The following SAR1B variants were observed in gnomAD, a reference collection of about 807,000 sequenced individuals.
SAR1B encodes small COPII coat GTPase SAR1B.
A neutral mutation model predicts 26.8 loss-of-function variants in SAR1B; 23 were observed. The observed-to-expected ratio is 0.86, with a 90% CI of 0.62 to 1.22. The LOEUF (loss-of-function observed/expected upper bound fraction) is 1.22, where lower values mean the gene tolerates loss of function less well. Ranked by LOEUF, SAR1B falls within the 50% of genes most tolerant of loss-of-function variation. The pLI, the probability that SAR1B is intolerant of heterozygous loss-of-function variation, is 0.00. For synonymous variants in SAR1B, 65 were observed against 80.8 expected (o/e 0.80, Z 1.05); for missense variants, 196 against 232.8 (o/e 0.84, Z 1.03).
intron 1 of SAR1B, among the ~76,000 whole-genome samples, chr5:134,625,484 G>A (rs1261114335): frequency 6.6e-6 from 1 of 152,138 alleles, no homozygotes; most frequent in Non-Finnish European, 1.5e-5. Context: ...ATACAGAGAT[G>A]GAGCGGTGAT....
At position 134,614,962 on chromosome 5, in the gene SAR1B, C is replaced by A. The variant is rs1257727745; in HGVS notation, c.179-2206G>T. 5 of 152,176 alleles carry A rather than the reference C, an allele frequency of 3.3e-5. No individual in the cohort carries two copies. In the East Asian group the frequency reaches 9.6e-4, roughly 29 times the overall value. 9.4% of individuals were successfully genotyped at this position (152,176 alleles called of 1,614,324 possible). On this transcript the variant is annotated intron_variant, in intron 3 of 6. Transcript: ENST00000402673. ...GTACAGTGGGAGGGTAATTCCAGAA[C>A]CAGTACTCACTTATGGCCAAAAGCA...
rs1353350601 is a variant in SAR1B at position 134,605,890 on chromosome 5, TCTA to T, written c.*1057_*1059del. 1 of 152,200 alleles carries T rather than the reference TCTA, an allele frequency of 6.6e-6. No individual in the cohort carries two copies. The highest frequency in any genetic ancestry group is 2.4e-5 in the African/African-American group (1 of 41,450). The allele number at this position is 152,200 out of a possible 1,614,324, so 9.4% of individuals were successfully genotyped here. ...GTTTTATTCCTCAGATATACATGTC[TCTA>T]CAATGAAACTGCACACAAGGTCCTA... On this transcript the variant is annotated 3_prime_UTR_variant, in exon 7 of 7. Transcript: ENST00000402673.
chr5:134,612,075 A>T (rs1384202267), intron 4 of SAR1B, among the ~76,000 whole-genome samples: 1 of 152,168 alleles, frequency 6.6e-6, no homozygotes, highest in Non-Finnish European at 1.5e-5. Context: ...CAGGTTAATG[A>T]GTTTGGCCTT....
At chr5:134,610,883 C>CTTT (rs774142378) in intron 4 of SAR1B, among the ~76,000 whole-genome samples, 2 of 141,562 alleles carry the variant, frequency 1.4e-5, no homozygotes, top group Admixed American at 7.1e-5. Context: ...TATGACATAC[C>CTTT]TTTTTTTTTT....
chr5:134,625,225 A>G (rs1348551184), intron 1 of SAR1B, among the ~76,000 whole-genome samples: 1 of 152,198 alleles, frequency 6.6e-6, no homozygotes, highest in Non-Finnish European at 1.5e-5. Flanking sequence ...AAGTTAAAAG[A>G]CTGCCAAAAA....
intron 1 of SAR1B, among the ~76,000 whole-genome samples, chr5:134,628,685 C>T (rs955845939): frequency 1.3e-5 from 2 of 151,764 alleles, no homozygotes. Context: ...GACTAAGTCT[C>T]ACTCTGTCGC....
intron 3 of SAR1B, among the ~76,000 whole-genome samples, chr5:134,616,212 G>A (rs1765314445): frequency 1.3e-5 from 2 of 151,560 alleles, no homozygotes; most frequent in Non-Finnish European, 1.5e-5. Flanking sequence ...CGAGGGGGGC[G>A]GATCACCTGA....
rs1765090044 is a variant in SAR1B at position 134,604,058 on chromosome 5, T to TA, written c.*2891dup. The TA allele has an allele frequency of 6.6e-6, 1 of 152,172 alleles. No homozygotes were observed. The highest frequency in any genetic ancestry group is 2.4e-5 in the African/African-American group (1 of 41,434). 9.4% of individuals were successfully genotyped at this position (152,172 alleles called of 1,614,324 possible). ...CTTTAGGAAATGTCTGTTCTCCAAT[T>TA]AAAAAATGCTATAATCTCCATTCTA... On this transcript the variant is annotated 3_prime_UTR_variant, in exon 7 of 7. Transcript: ENST00000402673.
At position 134,608,602 on chromosome 5, in the gene SAR1B, T is replaced by C. The variant is rs936519669; in HGVS notation, c.349-99A>G. On this transcript the variant is annotated intron_variant, in intron 5 of 6. Coordinates refer to ENST00000402673, the MANE Select transcript of SAR1B (RefSeq NM_016103.4). ...ACAATAAAGGACTCATTTTCTACCA[T>C]ATCATGTCATACCAACGTTCTTTGT... 1.9e-5 allele frequency: 24 copies of C among 1,269,290 alleles called. No homozygotes were observed. In the Admixed American group the frequency reaches 3.9e-4, roughly 21 times the overall value. The allele number at this position is 1,269,290 out of a possible 1,614,324, so 78.6% of individuals were successfully genotyped here.
intron 1 of SAR1B, among the ~76,000 whole-genome samples, chr5:134,624,628 T>G (rs113461768): frequency 0.044 from 6,357 of 144,812 alleles, 316 homozygotes; most frequent in African/African-American, 0.12. Flanking sequence ...GAAGTGAGTT[T>G]TTTTTTTTTT....
chr5:134,623,387 C>G (rs1267107064), intron 2 of SAR1B, among the ~76,000 whole-genome samples: 5 of 151,696 alleles, frequency 3.3e-5, no homozygotes, highest in African/African-American at 1.2e-4. Context: ...TTGCAGTGAG[C>G]TGAGATCACG....
At chr5:134,623,103 C>A (rs1204676709) in intron 2 of SAR1B, among the ~76,000 whole-genome samples, 1 of 125,762 alleles carries the variant, frequency 8.0e-6, no homozygotes, top group African/African-American at 3.0e-5. Context: ...ACCTGGGCAA[C>A]AGAGTGAGAC....
At position 134,602,995 on chromosome 5, in the gene SAR1B, G is replaced by T. The variant is rs1765064210; in HGVS notation, c.*3955C>A. 2.6e-5 allele frequency: 4 copies of T among 152,164 alleles called. No individual in the cohort carries two copies. In the South Asian group the frequency reaches 8.3e-4, roughly 32 times the overall value. 9.4% of individuals were successfully genotyped at this position (152,164 alleles called of 1,614,324 possible). ...TATAGCAAAGCCTCTGGCTTTTAAT[G>T]TAGGCTATATTTTATTCACTATTAA... On this transcript the variant is annotated 3_prime_UTR_variant, in exon 7 of 7. Coordinates refer to ENST00000402673, the MANE Select transcript of SAR1B (RefSeq NM_016103.4).
At chr5:134,613,753 C>A (rs1765259723) in intron 3 of SAR1B, 1 of 152,160 alleles carries the variant, frequency 6.6e-6, no homozygotes, top group South Asian at 2.1e-4. Context: ...ATTACAAAAA[C>A]AATTACCATA....
intron 1 of SAR1B, among the ~76,000 whole-genome samples, chr5:134,624,469 C>G (rs889749658): frequency 6.6e-5 from 10 of 151,898 alleles, no homozygotes; most frequent in Admixed American, 6.6e-4. Context: ...TGTAATGAAC[C>G]GAGATCGCAC....
intron 1 of SAR1B, among the ~76,000 whole-genome samples, chr5:134,630,889 C>CTTTTTTTTTTTTTT (rs781218368): frequency 3.0e-4 from 21 of 69,144 alleles, no homozygotes; most frequent in Non-Finnish European, 4.0e-4. Flanking sequence ...CTTTTTTTTT[C>CTTTTTTTTTTTTTT]TTTTTTTTTT....
At chr5:134,622,280 T>C (rs1167762571) in intron 2 of SAR1B, among the ~76,000 whole-genome samples, 2 of 152,178 alleles carry the variant, frequency 1.3e-5, no homozygotes, top group Non-Finnish European at 2.9e-5. Context: ...AGGAATCTAC[T>C]TCTATGACTG....
intron 3 of SAR1B, chr5:134,614,630 A>G (rs1290790656): frequency 1.3e-5 from 2 of 152,214 alleles, no homozygotes; most frequent in Admixed American, 1.3e-4. Context: ...GTATTCAGCT[A>G]TGTAAATTTC....
rs556298148 is a variant in SAR1B at position 134,620,939 on chromosome 5, G to A, written c.172C>T (p.His58Tyr). 3.1e-6 allele frequency: 5 copies of A among 1,613,868 alleles called. No individual in the cohort carries two copies. In the South Asian group the frequency reaches 4.4e-5, roughly 14 times the overall value. The change falls in exon 3 of 7, where the codon CAT (histidine) becomes TAT (tyrosine). Residue 58 changes from histidine to tyrosine, a missense_variant. By Grantham distance (83) the His-to-Tyr change is moderately conservative (BLOSUM62 2). Transcript: ENST00000402673. Reference protein sequence around the residue: ...DRLGQHVPTLHPTSEELTIAG... With the variant: ...DRLGQHVPTLYPTSEELTIAG... The stretch of plus-strand genomic sequence containing the variant: ...TATGTAGGAATATACTTACTGGGAT[G>A]TAATGTTGGGACATGTTGTCCAAGT...
Sources: gnomAD v4.1 joint callset for allele counts (sites outside exome capture counted in the v4.1 genomes callset) on GRCh38, gnomAD v4.1.1 for gene constraint, MANE v1.5 for transcripts, NCBI Gene and HGNC (gene_info 2026-07-23, HGNC 2026-07-21) for gene names.